The following SETDB1 variants were observed in gnomAD, a reference collection of about 807,000 sequenced individuals.
The protein encoded by SETDB1 is SET domain bifurcated histone lysine methyltransferase 1.
Under a neutral mutation model 137.4 loss-of-function variants are expected in SETDB1, and 31 were observed. The observed-to-expected ratio is 0.23, with a 90% CI of 0.17 to 0.30. The LOEUF (loss-of-function observed/expected upper bound fraction) is 0.30. Among genes scored for constraint, SETDB1 ranks in the 10% least tolerant of loss-of-function variants. SETDB1 has a pLI of 1.00. For missense variants in SETDB1, 1,113 were observed against 1,631.5 expected, an observed-to-expected ratio of 0.68 and a Z score of 5.47; for synonymous variants, 548 against 579.9, an observed-to-expected ratio of 0.95 and a Z score of 0.79.
intron 3 of SETDB1, among the ~76,000 whole-genome samples, chr1:150,935,184 C>T (rs1669907644): frequency 6.6e-6 from 1 of 152,222 alleles, no homozygotes; most frequent in South Asian, 2.1e-4. Flanking sequence ...TACGCCATCC[C>T]TGTGCCCTCT....
chr1:150,930,956 T>C (rs1669715641), intron 3 of SETDB1, among the ~76,000 whole-genome samples: 1 of 151,990 alleles, frequency 6.6e-6, no homozygotes, highest in Non-Finnish European at 1.5e-5. Flanking sequence ...TTCAGTACAG[T>C]GTTGAATAAG....
In SETDB1 at chr1:150,960,754, C is replaced by T; in HGVS notation, c.2695C>T (p.Pro899Ser). ...AGATGGCAACAGCGGTACAGAGGAC[C>T]CTGAAGAGTCCAATGATGATAGCTC... Reference protein sequence around the residue: ...QEDGNSGTEDPEESNDDSSDD... With the variant: ...QEDGNSGTEDSEESNDDSSDD... Residue 899 changes from proline (P) to serine (S), a missense_variant, in exon 16 of 22, where the codon CCT (proline) becomes TCT (serine). By Grantham distance (74) the Pro-to-Ser change is moderately conservative. Transcript: ENST00000692827. 2 of 1,610,898 alleles carry T rather than the reference C, an allele frequency of 1.2e-6. No homozygotes were observed. The highest frequency in any genetic ancestry group is 1.7e-6 in the Non-Finnish European group (2 of 1,178,408).
chr1:150,926,669 C>T (rs1669530606), intron 1 of SETDB1, 152 bp downstream of exon 1: 1 of 511,156 alleles, frequency 2.0e-6, no homozygotes, highest in Non-Finnish European at 4.0e-6. Flanking sequence ...GTAGGACGCA[C>T]CCCTAGAATG....
In SETDB1 at chr1:150,963,982, C is replaced by T. The variant is rs763430387; in HGVS notation, c.3673-13C>T. 3.3e-5 allele frequency: 53 copies of T among 1,612,772 alleles called. No homozygotes were observed. The highest frequency in any genetic ancestry group is 4.4e-5 in the Non-Finnish European group (52 of 1,178,884). On this transcript the variant is annotated splice_polypyrimidine_tract_variant and intron_variant, in intron 20 of 21. Coordinates refer to ENST00000692827, the MANE Select transcript of SETDB1 (RefSeq NM_001366418.1). Reference sequence around the variant, plus strand: ...TCCCTGGTTCTTATTTGATCCTGTCCTTAAACCTACAGCACAGTTGCAGCC... The same window carrying T: ...TCCCTGGTTCTTATTTGATCCTGTCTTTAAACCTACAGCACAGTTGCAGCC...
rs587635866 is a variant in SETDB1 at position 150,946,238 on chromosome 1, C to T, written c.1141-648C>T. On this transcript the variant is annotated intron_variant, in intron 9 of 21. Transcript: ENST00000692827. ...TTCGCCATGTTGCCCAGGCTGGTCT[C>T]GAACTCCTGAGCTCAAGCAGTCTGT... Among the ~76,000 whole-genome samples, 4 of 150,342 alleles carry T rather than the reference C, an allele frequency of 2.7e-5. No individual in the cohort carries two copies. In the East Asian group the frequency reaches 8.0e-4, roughly 30 times the overall value.
At chr1:150,945,310 TATA>T (rs1277651068) in intron 9 of SETDB1, 7 of 1,437,592 alleles carry the variant, frequency 4.9e-6, no homozygotes, top group South Asian at 3.1e-5. Flanking sequence ...TTATCTGAAT[TATA>T]ATACGAATCT....
In SETDB1 at chr1:150,963,595, A is replaced by C. The variant is rs1002772630; in HGVS notation, c.3526A>C (p.Ile1176Leu). ...RGFALKSTHG[I>L]AIKSTNMASV... ...CTTTGCTCTTAAATCAACCCATGGG[A>C]TTGCAATTAAATCAACCAACATGGC... The change falls in exon 20 of 22, where the codon ATT becomes CTT. Residue 1176 changes from isoleucine to leucine, a missense_variant. This residue lies in a region of SETDB1 where 373 missense variants were observed against 412.7 expected (regional missense o/e 0.90). Transcript: ENST00000692827. 2.5e-6 allele frequency: 4 copies of C among 1,613,740 alleles called. No homozygotes were observed. Among genetic ancestry groups the C allele is most frequent in the Non-Finnish European group, 3.4e-6 (4 of 1,179,766 alleles).
At chr1:150,951,570 A>G (rs1670491196) in intron 14 of SETDB1, 89 bp downstream of exon 14, 1 of 691,886 alleles carries the variant, frequency 1.4e-6, no homozygotes, top group Non-Finnish European at 2.5e-6. Context: ...TCAGAAATCT[A>G]AAAATTGGAA....
chr1:150,948,395 C>G (rs587675039), intron 10 of SETDB1, among the ~76,000 whole-genome samples: 1 of 151,392 alleles, frequency 6.6e-6, no homozygotes, highest in Non-Finnish European at 1.5e-5. Context: ...CTCAGCCTTC[C>G]GAGTAACTGG....
intron 2 of SETDB1, chr1:150,928,223 A>G: frequency 2.1e-6 from 1 of 475,006 alleles, no homozygotes. Context: ...ACACCCAGCT[A>G]ATTTTTTATA....
Position 150,963,656 on chromosome 1 carries a change from A to G in SETDB1, c.3587A>G (p.Lys1196Arg). 2 of 1,614,202 alleles carry G rather than the reference A, an allele frequency of 1.2e-6. No homozygotes were observed. The highest frequency in any genetic ancestry group is 1.7e-6 in the Non-Finnish European group (2 of 1,180,032). ...AAGGGGGAGAGCGCACCTGTTCGTA[A>G]GAACACACGCCAATTCTATGATGGC... ...VDKGESAPVR[K>R]NTRQFYDGEE... is the part of the protein sequence containing the mutation. Residue 1196 changes from lysine to arginine, a missense_variant, in exon 20 of 22, where the codon AAG becomes AGG. Lys to Arg is a conservative substitution (Grantham distance 26, BLOSUM62 2). Transcript: ENST00000692827.
At chr1:150,952,456 G>GT (rs1670516824) in intron 14 of SETDB1, among the ~76,000 whole-genome samples, 1 of 152,230 alleles carries the variant, frequency 6.6e-6, no homozygotes, top group African/African-American at 2.4e-5. Context: ...GGGGGAAAGA[G>GT]TAGAATCAAG....
At chr1:150,935,481 A>G (rs1447637284) in intron 3 of SETDB1, among the ~76,000 whole-genome samples, 1 of 151,324 alleles carries the variant, frequency 6.6e-6, no homozygotes, top group Non-Finnish European at 1.5e-5. Flanking sequence ...TCCATTACAT[A>G]TATGGTGGAA....
chr1:150,938,244 C>T (rs1358693108), intron 3 of SETDB1, among the ~76,000 whole-genome samples: 1 of 149,516 alleles, frequency 6.7e-6, no homozygotes, highest in Non-Finnish European at 1.5e-5. Flanking sequence ...GAATGAAGTA[C>T]TGATACGTGG....
In SETDB1 at chr1:150,963,552, A is replaced by G. The variant is rs747004465; in HGVS notation, c.3483A>G (p.Ala1161=). 1.2e-6 allele frequency: 2 copies of G among 1,613,618 alleles called. No homozygotes were observed. Among genetic ancestry groups the G allele is most frequent in the East Asian group, 2.2e-5 (1 of 44,882 alleles). ...NMTGPMKRQV[A]VKSTRGFALK... Reference sequence around the variant, plus strand: ...CAGGTCCAATGAAGCGTCAAGTGGCAGTAAAATCAACCCGAGGCTTTGCTC... The same window carrying G: ...CAGGTCCAATGAAGCGTCAAGTGGCGGTAAAATCAACCCGAGGCTTTGCTC... Residue 1161 remains alanine, a synonymous_variant, in exon 20 of 22, where the codon GCA becomes GCG. Transcript: ENST00000692827.
chr1:150,962,040 T>G, intron 16 of SETDB1, 90 bp from the exon 17 acceptor site: 3 of 1,455,690 alleles, frequency 2.1e-6, no homozygotes, highest in Non-Finnish European at 2.9e-6. Context: ...CACTGGCTGA[T>G]GTTATCTGTG....
intron 3 of SETDB1, among the ~76,000 whole-genome samples, chr1:150,931,415 C>T (rs1365524493): frequency 1.3e-5 from 2 of 151,356 alleles, no homozygotes; most frequent in Non-Finnish European, 2.9e-5. Flanking sequence ...GAAACCCCAT[C>T]TCTACTAAAA....
At chr1:150,943,767 GA>G (rs1215126576) in intron 7 of SETDB1, among the ~76,000 whole-genome samples, 152 bp from the exon 8 acceptor site, 1 of 152,188 alleles carries the variant, frequency 6.6e-6, no homozygotes, top group Admixed American at 6.5e-5. Context: ...TGAGAAGAAA[GA>G]AAAACAGGAA....
chr1:150,951,211 T>A, intron 13 of SETDB1, 121 bp downstream of exon 13: 2 of 1,239,172 alleles, frequency 1.6e-6, no homozygotes, highest in Non-Finnish European at 1.1e-6. Flanking sequence ...CTCCCTCACC[T>A]GGAACTCCTG....
Sources: gnomAD v4.1 joint callset for allele counts (sites outside exome capture counted in the v4.1 genomes callset) on GRCh38, gnomAD v4.1.1 for gene constraint, gnomAD v4.1.1 regional missense constraint, MANE v1.5 for transcripts, NCBI Gene and HGNC (gene_info 2026-07-23, HGNC 2026-07-21) for gene names.